Variants in GRIN2A observed in about 807,000 individuals in gnomAD.
GRIN2A encodes glutamate receptor ionotropic, NMDA 2A.
In GRIN2A, 22 loss-of-function variants were observed where a neutral mutation model predicts 113.4. The observed-to-expected ratio is 0.19, with a 90% CI of 0.14 to 0.28. The LOEUF is 0.28. Among genes scored for constraint, GRIN2A ranks in the 10% least tolerant of loss-of-function variants. GRIN2A has a pLI of 1.00. For missense variants in GRIN2A, 1,502 were observed against 1,887.0 expected, an observed-to-expected ratio of 0.80 and a Z score of 3.78; for synonymous variants, 827 against 738.4, an observed-to-expected ratio of 1.12 and a Z score of -1.94.
chr16:9,981,013 T>C (rs1437644170), intron 2 of GRIN2A, among the ~76,000 whole-genome samples: 2 of 142,572 alleles, frequency 1.4e-5, no homozygotes, highest in Non-Finnish European at 3.1e-5. Context: ...ATAAAATAAA[T>C]AAATAAAATA....
chr16:9,851,477 A>G (rs1419392822), intron 4 of GRIN2A, among the ~76,000 whole-genome samples: 4 of 152,232 alleles, frequency 2.6e-5, no homozygotes, highest in African/African-American at 9.6e-5. Flanking sequence ...GCTAAAACAG[A>G]ATGACTCTTG....
At chr16:9,889,308 T>C (rs1382788901) in intron 4 of GRIN2A, among the ~76,000 whole-genome samples, 2 of 152,170 alleles carry the variant, frequency 1.3e-5, no homozygotes, top group Non-Finnish European at 2.9e-5. Context: ...TGTCTGTAAG[T>C]GATAGTCCCT....
At chr16:10,177,879 T>C (rs2050181300) in intron 2 of GRIN2A, among the ~76,000 whole-genome samples, 2 of 152,218 alleles carry the variant, frequency 1.3e-5, no homozygotes, top group Admixed American at 1.3e-4. Flanking sequence ...GGCTTCTCTC[T>C]GCCTACGTTC....
chr16:9,953,082 C>T (rs534497347), intron 2 of GRIN2A, among the ~76,000 whole-genome samples: 113 of 152,208 alleles, frequency 7.4e-4, no homozygotes, highest in African/African-American at 2.6e-3. Flanking sequence ...TGAATGAAGG[C>T]AGAAAAGCAG....
chr16:9,950,470 G>C (rs569899212), intron 2 of GRIN2A, among the ~76,000 whole-genome samples: 28 of 152,252 alleles, frequency 1.8e-4, no homozygotes, highest in Non-Finnish European at 4.0e-4. Flanking sequence ...GGTACCTGGA[G>C]ACCCACATCT....
intron 2 of GRIN2A, among the ~76,000 whole-genome samples, chr16:10,011,523 C>T (rs917297911): frequency 1.3e-5 from 2 of 152,200 alleles, no homozygotes; most frequent in Non-Finnish European, 2.9e-5. Context: ...ACATTTCCAA[C>T]ACAGGAGGAA....
In GRIN2A at chr16:10,008,101, A is replaced by G. The variant is rs760360148; in HGVS notation, c.415-69550T>C. On this transcript the variant is annotated intron_variant, in intron 2 of 12. Transcript: ENST00000330684. ...AGCTGAACTTGAACATCTTGGGGGG[A>G]AGTAATAACACCACAGAGAGGAGGC... is the stretch of plus-strand genomic sequence containing the variant. 2.7e-4 allele frequency among the ~76,000 whole-genome samples: 41 copies of G among 151,982 alleles called. 1 individual carries two copies. The highest frequency in any genetic ancestry group is 3.4e-3 in the Middle Eastern group (1 of 294).
At chr16:9,802,600 ATTG>A (rs1441012946) in intron 10 of GRIN2A, among the ~76,000 whole-genome samples, 5 of 147,382 alleles carry the variant, frequency 3.4e-5, no homozygotes, top group Non-Finnish European at 5.9e-5. Context: ...AGATATTATT[ATTG>A]TTATTATTTT....
At position 9,963,089 on chromosome 16, in the gene GRIN2A, G is replaced by A. The variant is rs550190365; in HGVS notation, c.415-24538C>T. Among the ~76,000 whole-genome samples the A allele has an allele frequency of 6.4e-5, 9 of 139,908 alleles. No homozygotes were observed. The East Asian group carries it at 2.0e-3, about 31-fold the overall frequency. The allele number at this position is 139,908 out of a possible 152,430, so 91.8% of individuals were successfully genotyped here. A position where few individuals can be genotyped will look rare whatever the true frequency, so the allele number is the denominator to read the frequency against. The stretch of plus-strand genomic sequence containing the variant: ...TGAACAATGAGAACACACGGACACA[G>A]GAAAGGGAACATCACACATCGGGGA... On this transcript the variant is annotated intron_variant, in intron 2 of 12. Coordinates refer to ENST00000330684, the MANE Select transcript of GRIN2A (RefSeq NM_001134407.3).
intron 4 of GRIN2A, among the ~76,000 whole-genome samples, chr16:9,878,042 G>A (rs74756144): frequency 0.018 from 2,663 of 151,956 alleles, 77 homozygotes; most frequent in African/African-American, 0.06. Context: ...TTACTCATCT[G>A]AGATCATTTA....
intron 5 of GRIN2A, among the ~76,000 whole-genome samples, chr16:9,841,596 C>T (rs1254119308): frequency 5.3e-5 from 8 of 152,120 alleles, no homozygotes; most frequent in Admixed American, 5.2e-4. Context: ...ATTACAGAGG[C>T]TTGAAACCAA....
intron 12 of GRIN2A, among the ~76,000 whole-genome samples, chr16:9,765,308 C>A (rs1470691057): frequency 6.6e-6 from 1 of 152,158 alleles, no homozygotes; most frequent in Admixed American, 6.5e-5. Flanking sequence ...CCAATCCAAG[C>A]TTTCATTAAA....
intron 3 of GRIN2A, among the ~76,000 whole-genome samples, chr16:9,900,369 C>T (rs2043896832): frequency 6.6e-6 from 1 of 152,190 alleles, no homozygotes; most frequent in Non-Finnish European, 1.5e-5. Flanking sequence ...AATCCATGTG[C>T]CACCCTGGGC....
intron 10 of GRIN2A, among the ~76,000 whole-genome samples, chr16:9,802,593 T>C (rs1903430024): frequency 6.6e-6 from 1 of 151,700 alleles, no homozygotes; most frequent in African/African-American, 2.4e-5. Flanking sequence ...AGTAGCAAGA[T>C]ATTATTATTG....
rs2042852207 is a variant in GRIN2A at position 9,849,896 on chromosome 16, G to A, written c.1188C>T (p.Phe396=). The A allele has an allele frequency of 6.2e-7, 1 of 1,614,026 alleles. No individual in the cohort carries two copies. Among genetic ancestry groups the A allele is most frequent in the Non-Finnish European group, 8.5e-7 (1 of 1,179,910 alleles). The change falls in exon 5 of 13, where the codon TTC becomes TTT. Residue 396 remains phenylalanine, a synonymous_variant. Transcript: ENST00000330684. ...GGTTGTCATCCGGCTCACAGTCGGA[G>A]AAGGACTTGTACCTGGGCCACACGG... ...RHAVWPRYKS[F]SDCEPDDNHL...
intron 2 of GRIN2A, among the ~76,000 whole-genome samples, chr16:10,170,220 C>G (rs1469080029): frequency 6.6e-6 from 1 of 152,186 alleles, no homozygotes; most frequent in Non-Finnish European, 1.5e-5. Flanking sequence ...CTTGCAAAAA[C>G]CATTCCCAAG....
At chr16:10,050,300 G>A (rs372630206) in intron 2 of GRIN2A, among the ~76,000 whole-genome samples, 1 of 152,092 alleles carries the variant, frequency 6.6e-6, no homozygotes, top group African/African-American at 2.4e-5. Context: ...CCCAAGCCAC[G>A]GACCAGTACC....
At chr16:10,161,440 C>T (rs2049807364) in intron 2 of GRIN2A, among the ~76,000 whole-genome samples, 1 of 152,110 alleles carries the variant, frequency 6.6e-6, no homozygotes, top group Non-Finnish European at 1.5e-5. Context: ...GAAAAATGGA[C>T]ACACTTATCT....
intron 2 of GRIN2A, among the ~76,000 whole-genome samples, chr16:10,051,469 T>C (rs1900720): frequency 0.99 from 151,187 of 152,310 alleles, 75,047 homozygotes; most frequent in Middle Eastern, 1. Flanking sequence ...AATGGCTGAC[T>C]CATAGTAGGC....
Sources: gnomAD v4.1 joint callset for allele counts (sites outside exome capture counted in the v4.1 genomes callset) on GRCh38, gnomAD v4.1.1 for gene constraint, MANE v1.5 for transcripts, NCBI Gene and HGNC (gene_info 2026-07-23, HGNC 2026-07-21) for gene names.